SYNPR: variants seen among roughly 807,000 people sequenced by gnomAD.
SYNPR encodes synaptoporin.
Under a neutral mutation model 32.9 loss-of-function variants are expected in SYNPR, and 23 were observed. That is an observed-to-expected ratio of 0.70 (90% CI 0.50 to 0.99). The LOEUF is 0.99. Among genes scored for constraint, SYNPR ranks in the 50% least tolerant of loss-of-function variants. The pLI, the probability that SYNPR is intolerant of heterozygous loss-of-function variation, is 0.00. For missense variants in SYNPR, 318 were observed against 349.3 expected, an observed-to-expected ratio of 0.91 and a Z score of 0.71; for synonymous variants, 146 against 135.9, an observed-to-expected ratio of 1.07 and a Z score of -0.52.
intron 2 of SYNPR, among the ~76,000 whole-genome samples, chr3:63,352,102 T>C (rs1352656211): frequency 6.6e-6 from 1 of 152,024 alleles, no homozygotes; most frequent in Non-Finnish European, 1.5e-5. Context: ...CCAAAGGTCC[T>C]GGGGTGGAAA....
At chr3:63,276,620 T>TTGGCC, upstream of SYNPR, among the ~76,000 whole-genome samples, 1 of 142,148 alleles carries the variant, frequency 7.0e-6, no homozygotes, top group South Asian at 2.3e-4. Flanking sequence ...TAGTGTTAGT[T>TTGGCC]CCCCCCACCC....
chr3:63,323,216 C>T (rs1376482), intron 2 of SYNPR, among the ~76,000 whole-genome samples: 113,032 of 151,892 alleles, frequency 0.74, 43,260 homozygotes, highest in Non-Finnish European at 0.83. Flanking sequence ...AATCCTTTCT[C>T]ATAAGGGCAT....
At chr3:63,416,820 T>C (rs182215767) in intron 2 of SYNPR, among the ~76,000 whole-genome samples, 35 of 152,190 alleles carry the variant, frequency 2.3e-4, no homozygotes, top group Admixed American at 2.3e-3. Flanking sequence ...TTATTCACTA[T>C]CACAAGAACA....
intron 4 of SYNPR, among the ~76,000 whole-genome samples, chr3:63,573,490 A>G (rs1448595381): frequency 1.3e-5 from 2 of 152,148 alleles, no homozygotes; most frequent in African/African-American, 2.4e-5. Flanking sequence ...CGGCCCCTCA[A>G]TTTCTTGAAG....
intron 3 of SYNPR, among the ~76,000 whole-genome samples, chr3:63,269,380 T>G (rs1290039306): frequency 1.3e-5 from 2 of 151,940 alleles, no homozygotes; most frequent in Non-Finnish European, 2.9e-5. Context: ...TCCCAGCTAC[T>G]TGGGAGGCTG....
At chr3:63,523,936 A>G (rs947464319) in intron 3 of SYNPR, among the ~76,000 whole-genome samples, 3 of 152,174 alleles carry the variant, frequency 2.0e-5, no homozygotes, top group African/African-American at 7.2e-5. Context: ...AGGGTATGTC[A>G]TTCTACTGTG....
chr3:63,376,925 G>A (rs906064608), intron 2 of SYNPR, among the ~76,000 whole-genome samples: 1 of 151,930 alleles, frequency 6.6e-6, no homozygotes, highest in Non-Finnish European at 1.5e-5. Flanking sequence ...GCATAAAATG[G>A]CTCCTGGTGC....
At chr3:63,610,580 T>A in intron 5 of SYNPR, 1 of 680,650 alleles carries the variant, frequency 1.5e-6, no homozygotes, top group Non-Finnish European at 2.7e-6. Flanking sequence ...GAAAATAAGC[T>A]CTGCATTAGG....
the SYNPR span, among the ~76,000 whole-genome samples, chr3:63,207,279 GT>G: frequency 2.6e-5 from 4 of 152,160 alleles, no homozygotes; most frequent in African/African-American, 9.7e-5. Flanking sequence ...ATACTCAGAT[GT>G]TCTGACTCAA....
intron 3 of SYNPR, among the ~76,000 whole-genome samples, chr3:63,547,425 G>C (rs1378417745): frequency 6.6e-6 from 1 of 152,054 alleles, no homozygotes; most frequent in Non-Finnish European, 1.5e-5. Context: ...TCCTAAACCT[G>C]AGACTCTGGG....
chr3:63,210,672 T>A, the SYNPR span, among the ~76,000 whole-genome samples: 1 of 152,144 alleles, frequency 6.6e-6, no homozygotes, highest in South Asian at 2.1e-4. Context: ...AGAGAAGAAG[T>A]AAAAACACCT....
At chr3:63,406,694 G>T (rs1298708125) in intron 2 of SYNPR, among the ~76,000 whole-genome samples, 1 of 152,142 alleles carries the variant, frequency 6.6e-6, no homozygotes, top group African/African-American at 2.4e-5. Context: ...TTTATTGGAT[G>T]TAGAATTTGA....
At chr3:63,390,889 C>T (rs943100928) in intron 2 of SYNPR, among the ~76,000 whole-genome samples, 4 of 152,184 alleles carry the variant, frequency 2.6e-5, no homozygotes, top group East Asian at 1.9e-4. Flanking sequence ...GAGCCCTCCG[C>T]GCTCTTCTTT....
chr3:63,582,964 A>C (rs532614337), intron 4 of SYNPR, among the ~76,000 whole-genome samples: 1 of 151,836 alleles, frequency 6.6e-6, no homozygotes, highest in South Asian at 2.1e-4. Context: ...TGTGAGCAAC[A>C]AGGCTGTTGA....
chr3:63,291,401 G>A (rs1413998506), intron 2 of SYNPR, among the ~76,000 whole-genome samples: 2 of 152,104 alleles, frequency 1.3e-5, no homozygotes, highest in East Asian at 1.9e-4. Flanking sequence ...GAGAGGGCTC[G>A]GTAAAGGTTG....
the SYNPR span, among the ~76,000 whole-genome samples, chr3:63,205,747 G>A: frequency 3.3e-5 from 5 of 152,158 alleles, no homozygotes; most frequent in East Asian, 3.9e-4. Context: ...TAACCTGTAC[G>A]CACGATAGCG....
At chr3:63,512,491 T>C (rs900636800) in intron 3 of SYNPR, among the ~76,000 whole-genome samples, 4 of 152,206 alleles carry the variant, frequency 2.6e-5, no homozygotes, top group Non-Finnish European at 5.9e-5. Flanking sequence ...ATAGAGCTGT[T>C]ATCCTGCATT....
At chr3:63,302,085 A>G (rs1314500617) in intron 2 of SYNPR, among the ~76,000 whole-genome samples, 1 of 152,104 alleles carries the variant, frequency 6.6e-6, no homozygotes, top group Non-Finnish European at 1.5e-5. Context: ...ATTCCTCATC[A>G]GCATCTCGTT....
chr3:63,411,003 C>G (rs532032759), intron 2 of SYNPR, among the ~76,000 whole-genome samples: 1 of 152,316 alleles, frequency 6.6e-6, no homozygotes, highest in South Asian at 2.1e-4. Flanking sequence ...GCCCAGTTCT[C>G]TAAACAACTT....
Sources: allele counts gnomAD v4.1 joint callset (sites outside exome capture counted in the v4.1 genomes callset), GRCh38; gene constraint gnomAD v4.1.1; transcripts MANE v1.5; gene names NCBI Gene and HGNC (gene_info 2026-07-23, HGNC 2026-07-21).